PLEKHG5: variants seen among roughly 807,000 people sequenced by gnomAD.
PLEKHG5 encodes the protein pleckstrin homology and RhoGEF domain containing G5, also known as pleckstrin homology domain-containing family G member 5.
PLEKHG5 carries 52 observed loss-of-function variants against 103.8 expected under a neutral mutation model. The observed-to-expected ratio is 0.50, with a 90% CI of 0.40 to 0.63. The LOEUF (loss-of-function observed/expected upper bound fraction) is 0.63, where lower values mean the gene tolerates loss of function less well. Ranked by LOEUF, PLEKHG5 falls within the 30% of genes least tolerant of loss-of-function variation. The pLI, the probability that PLEKHG5 is intolerant of heterozygous loss-of-function variation, is 0.00. For missense variants in PLEKHG5, 1,205 were observed against 1,347.6 expected, an observed-to-expected ratio of 0.89 and a Z score of 1.66; for synonymous variants, 592 against 575.5, an observed-to-expected ratio of 1.03 and a Z score of -0.41.
At chr1:6,514,709 C>A (rs1638567872) in intron 1 of PLEKHG5, among the ~76,000 whole-genome samples, 1 of 145,778 alleles carries the variant, frequency 6.9e-6, no homozygotes, top group South Asian at 2.2e-4. Context: ...TGCAGCGAGC[C>A]GAGATCATGC....
chr1:6,520,061 G>A (rs1638729739), upstream of PLEKHG5: 1 of 187,308 alleles, frequency 5.3e-6, no homozygotes, highest in African/African-American at 2.4e-5. Flanking sequence ...GGGAGATCAA[G>A]TGAGCCTCAA....
Position 6,473,334 on chromosome 1 carries a change from T to A in PLEKHG5, c.712A>T (p.Thr238Ser). 2 of 1,557,524 alleles carry A rather than the reference T, an allele frequency of 1.3e-6. No homozygotes were observed. Among genetic ancestry groups the A allele is most frequent in the South Asian group, 2.4e-5 (2 of 84,920 alleles). Residue 238 changes from threonine (T) to serine (S), a missense_variant, in exon 8 of 21, where the codon ACT becomes TCT. Thr to Ser is a moderately conservative substitution (Grantham distance 58, BLOSUM62 1). Transcript: ENST00000377728. The stretch of plus-strand genomic sequence containing the variant: ...GCCCGGTTCTTCCAGCTGTCGCCAG[T>A]GTTGGTGCTGCCACTGCTGCCGCTG... ...LPSGSSGSTN[T>S]GDSWKNRAAS... is the part of the protein sequence containing the mutation.
At chr1:6,474,669 C>A in intron 5 of PLEKHG5, 82 bp from the exon 6 acceptor site, 1 of 1,395,844 alleles carries the variant, frequency 7.2e-7, no homozygotes, top group Non-Finnish European at 9.8e-7. Context: ...CGAGCCCCCG[C>A]CCCACCCACA....
At chr1:6,479,794 T>C (rs1331040759) in intron 1 of PLEKHG5, among the ~76,000 whole-genome samples, 2 of 152,076 alleles carry the variant, frequency 1.3e-5, no homozygotes, top group Non-Finnish European at 2.9e-5. Flanking sequence ...TTATTTTTAG[T>C]AGTGACAGAT....
Position 6,471,630 on chromosome 1 carries a change from G to A in PLEKHG5, c.1139C>T (p.Ala380Val), listed in dbSNP as rs374286001. Reference sequence around the variant, plus strand: ...CGGGATGTTGCTGAACAGGCGCTCCGCCTCCACCTGGGCGCGGCGGGAGGT... The same window carrying A: ...CGGGATGTTGCTGAACAGGCGCTCCACCTCCACCTGGGCGCGGCGGGAGGT... ...QESGLLCEVEAERLFSNIPEI... is the reference protein window; with the variant it reads ...QESGLLCEVEVERLFSNIPEI... Residue 380 changes from alanine (A) to valine (V), a missense_variant, in exon 12 of 21, where the codon GCG (alanine) becomes GTG (valine). Physicochemically the swap from Ala to Val is moderately conservative, Grantham distance 64. Coordinates refer to ENST00000377728, the MANE Select transcript of PLEKHG5 (RefSeq NM_020631.6). 1.3e-6 allele frequency: 2 copies of A among 1,587,156 alleles called. No homozygotes were observed. Among genetic ancestry groups the A allele is most frequent in the Non-Finnish European group, 1.7e-6 (2 of 1,167,578 alleles).
At chr1:6,515,927 G>A (rs1406615261) in intron 1 of PLEKHG5, among the ~76,000 whole-genome samples, 4 of 152,156 alleles carry the variant, frequency 2.6e-5, no homozygotes, top group African/African-American at 9.7e-5. Context: ...CATATCTCAG[G>A]GACATGGACA....
chr1:6,509,695 A>G (rs1285074120), intron 1 of PLEKHG5, among the ~76,000 whole-genome samples: 2 of 152,164 alleles, frequency 1.3e-5, no homozygotes, highest in Non-Finnish European at 2.9e-5. Flanking sequence ...AGCCCCCGGC[A>G]GGGGAGGGCT....
intron 1 of PLEKHG5, among the ~76,000 whole-genome samples, chr1:6,510,760 G>C (rs7538401): frequency 0.82 from 125,481 of 152,186 alleles, 51,826 homozygotes; most frequent in East Asian, 0.98. Context: ...TGAACAGGGC[G>C]TGGTGCGGGC....
rs762648439 is a variant in PLEKHG5, at chr1:6,475,541, G to A, written c.150-19C>T. ...CCGGTCCCTGCAGGGAAGCGAGGAG[G>A]GCAGAGGCTGGAGGTGTGGGTGGCC... On this transcript the variant is annotated intron_variant, in intron 3 of 20. Transcript: ENST00000377728. 1 of 1,610,578 alleles carries A rather than the reference G, an allele frequency of 6.2e-7. No individual in the cohort carries two copies. Among genetic ancestry groups the A allele is most frequent in the Non-Finnish European group, 8.5e-7 (1 of 1,178,158 alleles).
Position 6,469,385 on chromosome 1 carries a change from T to C in PLEKHG5, c.1999A>G (p.Ser667Gly), listed in dbSNP as rs760089855. Residue 667 changes from serine (S) to glycine (G), a missense_variant, in exon 18 of 21, where the codon AGT (serine) becomes GGT (glycine). By Grantham distance (56) the Ser-to-Gly change is moderately conservative (BLOSUM62 0). Transcript: ENST00000377728. Reference sequence around the variant, plus strand: ...CAGCCACGGCACAAGGCCTGGCCACTGGCCTGGAACGTGTAGGCCCCTACA... The same window carrying C: ...CAGCCACGGCACAAGGCCTGGCCACCGGCCTGGAACGTGTAGGCCCCTACA... ...SAVGAYTFQA[S>G]GQALCRGWVD... The C allele has an allele frequency of 6.2e-7, 1 of 1,614,154 alleles. No homozygotes were observed. The highest frequency in any genetic ancestry group is 1.7e-5 in the Admixed American group (1 of 60,034).
rs1645142401 is a variant in PLEKHG5, at chr1:6,491,004, G to A, written c.-88+633C>T. On this transcript the variant is annotated intron_variant, in intron 1 of 20. Coordinates refer to ENST00000377728, the MANE Select transcript of PLEKHG5 (RefSeq NM_020631.6). The surrounding 1 kb of genome is among the most constrained non-coding windows in gnomAD (Gnocchi z 4.1). ...CCGCCCCGGAATCGCCCTGAGCCAG[G>A]TTCGCTTCCGCTCTATTGTAAAAAG... 6.6e-6 allele frequency among the ~76,000 whole-genome samples: 1 copy of A among 152,130 alleles called. No individual in the cohort carries two copies. The highest frequency in any genetic ancestry group is 2.4e-5 in the African/African-American group (1 of 41,436).
At position 6,481,548 on chromosome 1, in the gene PLEKHG5, TAAATAAATAAATAA is replaced by T. The variant is rs1283758295; in HGVS notation, c.-87-3904_-87-3891del. On this transcript the variant is annotated intron_variant, in intron 1 of 20. Coordinates refer to ENST00000377728, the MANE Select transcript of PLEKHG5 (RefSeq NM_020631.6). ...CAAAATAAATAAATAAATAAATAAA[TAAATAAATAAATAA>T]ATATATAAGTAAATAAAAAGGCCAG... Among the ~76,000 whole-genome samples, 3 of 139,746 alleles carry T rather than the reference TAAATAAATAAATAA, an allele frequency of 2.1e-5. No individual in the cohort carries two copies. The Admixed American group carries it at 2.2e-4, about 10-fold the overall frequency. The allele number at this position is 139,746 out of a possible 152,430, so 91.7% of individuals were successfully genotyped here. A position where few individuals can be genotyped will look rare whatever the true frequency, so the allele number is the denominator to read the frequency against.
chr1:6,473,137 T>C lies in PLEKHG5; in HGVS notation c.833A>G (p.His278Arg), dbSNP rs778639665. 1 of 1,613,776 alleles carries C rather than the reference T, an allele frequency of 6.2e-7. No homozygotes were observed. The highest frequency in any genetic ancestry group is 2.2e-5 in the East Asian group (1 of 44,868). The change falls in exon 9 of 21, where the codon CAC (histidine) becomes CGC (arginine). Residue 278 changes from histidine (H) to arginine (R), a missense_variant. His to Arg is a conservative substitution (Grantham distance 29, BLOSUM62 0). Coordinates refer to ENST00000377728, the MANE Select transcript of PLEKHG5 (RefSeq NM_020631.6). ...DKMEQLEGKL[H>R]TYSLFGLPRL... ...GGGCAGCCCGAAGAGGCTGTAGGTG[T>C]GCAGCTTGCCCTCCAGCTGCTCCAT... is the stretch of plus-strand genomic sequence containing the variant.
intron 1 of PLEKHG5, among the ~76,000 whole-genome samples, chr1:6,506,579 C>G (rs927534026): frequency 2.6e-5 from 4 of 152,196 alleles, no homozygotes; most frequent in African/African-American, 9.6e-5. Flanking sequence ...CCACCCCTGA[C>G]CTGTGACCCC....
At chr1:6,478,691 T>G (rs1644824928) in intron 1 of PLEKHG5, among the ~76,000 whole-genome samples, 1 of 152,166 alleles carries the variant, frequency 6.6e-6, no homozygotes, top group Non-Finnish European at 1.5e-5. Context: ...TTGCCCAGGC[T>G]GGAGTGCAAT....
chr1:6,497,390 G>C, upstream of PLEKHG5: 2 of 1,055,066 alleles, frequency 1.9e-6, no homozygotes, highest in South Asian at 4.6e-5. The surrounding 1 kb of genome is among the most constrained non-coding windows in gnomAD (Gnocchi z 6.1). Context: ...CGGGGACTGG[G>C]AGGCCGCAGA....
In PLEKHG5 at chr1:6,505,852, C is replaced by A. The variant is rs751909544; in HGVS notation, c.-164-9283G>T. 2.8e-4 allele frequency among the ~76,000 whole-genome samples: 43 copies of A among 152,300 alleles called. 1 individual carries two copies. Among genetic ancestry groups the A allele is most frequent in the Middle Eastern group, 3.4e-3 (1 of 294 alleles). On this transcript the variant is annotated intron_variant, in intron 1 of 21. Coordinates refer to the PLEKHG5 transcript ENST00000377740. This position sits in a 1 kb window ranked among gnomAD's most constrained non-coding sequence, Gnocchi z 4.2. ...CCTCTGGCCCCCAGGGTCCTCATTT[C>A]CGGGTCCTCTCCTGCACCAGCGGCA...
At position 6,513,201 on chromosome 1, in the gene PLEKHG5, G is replaced by C. The variant is rs552039230; in HGVS notation, c.-165+6244C>G. On this transcript the variant is annotated intron_variant, in intron 1 of 21. Transcript: ENST00000377740. ...CCCAGGCCCAGCCTGGCCCAGGGCA[G>C]GTGCCAGGGAAATGCTTATTGATTT... Among the ~76,000 whole-genome samples the C allele has an allele frequency of 3.3e-5, 5 of 152,338 alleles. No homozygotes were observed. In the South Asian group the frequency reaches 1.0e-3, roughly 32 times the overall value.
rs746121801 is a variant in PLEKHG5 at position 6,468,173 on chromosome 1, C to T, written c.2663G>A (p.Gly888Glu). The change falls in exon 20 of 21, where the codon GGG becomes GAG. Residue 888 changes from glycine to glutamate, a missense_variant. Gly to Glu is a moderately conservative substitution (Grantham distance 98). Coordinates refer to ENST00000377728, the MANE Select transcript of PLEKHG5 (RefSeq NM_020631.6). ...AGAGGGTGTCCCATGGGTGCCAGCC[C>T]CTGCCAGCAGCTGGAGGAGGCTGGC... ...SEASLLQLLA[G>E]AGTHGTPSAP... 6.4e-7 allele frequency: 1 copy of T among 1,568,686 alleles called. No individual in the cohort carries two copies. The highest frequency in any genetic ancestry group is 1.4e-5 in the African/African-American group (1 of 73,820).
Sources: gnomAD v4.1 joint callset for allele counts (sites outside exome capture counted in the v4.1 genomes callset) on GRCh38, gnomAD v4.1.1 for gene constraint, Gnocchi (gnomAD v3.1) non-coding constraint, MANE v1.5 for transcripts, NCBI Gene and HGNC (gene_info 2026-07-23, HGNC 2026-07-21) for gene names.